The following CELF2 variants were observed in gnomAD, a reference collection of about 807,000 sequenced individuals.
The protein encoded by CELF2 is CUGBP Elav-like family member 2, also known as CUG triplet repeat RNA-binding protein 2.
A neutral mutation model predicts 62.6 loss-of-function variants in CELF2; 8 were observed. The ratio of observed to expected loss-of-function variants is 0.13; its 90% CI spans 0.07 to 0.23. CELF2 has a LOEUF of 0.23. CELF2 is among the 10% of genes least tolerant of loss of function. The pLI, the probability that CELF2 is intolerant of heterozygous loss-of-function variation, is 1.00. For synonymous variants in CELF2, 258 were observed against 250.0 expected (o/e 1.03, Z -0.30); for missense variants, 333 against 671.0 (o/e 0.50, Z 5.56).
intron 2 of CELF2, chr10:10,960,492 G>T (rs1337596594): frequency 6.6e-6 from 1 of 152,254 alleles, no homozygotes; most frequent in Admixed American, 6.5e-5. Flanking sequence ...GCATAGTGAA[G>T]ACTGAGGTTC....
chr10:10,654,745 A>T, the CELF2 span, among the ~76,000 whole-genome samples: 1 of 139,302 alleles, frequency 7.2e-6, no homozygotes, highest in African/African-American at 2.7e-5. Context: ...ATCTATGACA[A>T]ACCCACAGCC....
intron 1 of CELF2, among the ~76,000 whole-genome samples, chr10:11,149,884 T>C (rs896652466): frequency 6.6e-6 from 1 of 152,212 alleles, no homozygotes; most frequent in African/African-American, 2.4e-5. Flanking sequence ...CACTTGTCAG[T>C]TGATCTCCAA....
the CELF2 span, among the ~76,000 whole-genome samples, chr10:10,624,130 A>G: frequency 1.3e-5 from 2 of 152,242 alleles, no homozygotes; most frequent in African/African-American, 4.8e-5. Context: ...CACTAGGAAC[A>G]ATATTCCCAA....
At position 11,244,289 on chromosome 10, in the gene CELF2, A is replaced by G. The variant is rs1424865334; in HGVS notation, c.355-4864A>G. ...TGTTTCTTTTTACTTGAAATTGTCCAGCCTATGAACATATCCCTCACTGTT... is the reference window on the plus strand; with the variant it reads ...TGTTTCTTTTTACTTGAAATTGTCCGGCCTATGAACATATCCCTCACTGTT... On this transcript the variant is annotated intron_variant, in intron 3 of 12. Coordinates refer to ENST00000633077, the MANE Select transcript of CELF2 (RefSeq NM_001326342.2). This position sits in a 1 kb window ranked among gnomAD's most constrained non-coding sequence, Gnocchi z 4.2. Among the ~76,000 whole-genome samples, 3 of 152,238 alleles carry G rather than the reference A, an allele frequency of 2.0e-5. No homozygotes were observed. The South Asian group carries it at 6.2e-4, about 31-fold the overall frequency.
intron 1 of CELF2, among the ~76,000 whole-genome samples, chr10:10,848,679 T>C (rs542377252): frequency 3.9e-5 from 6 of 152,250 alleles, no homozygotes; most frequent in African/African-American, 7.2e-5. Flanking sequence ...TTGGCCATCG[T>C]GGGGCCCTGG....
Position 11,008,599 on chromosome 10 carries a change from A to T in CELF2, c.53+3159A>T, listed in dbSNP as rs1374909383. Among the ~76,000 whole-genome samples, 1 of 152,208 alleles carries T rather than the reference A, an allele frequency of 6.6e-6. No individual in the cohort carries two copies. The highest frequency in any genetic ancestry group is 1.9e-4 in the East Asian group (1 of 5,202). On this transcript the variant is annotated intron_variant, in intron 1 of 12. Transcript: ENST00000416382. The surrounding 1 kb of genome is among the most constrained non-coding windows in gnomAD (Gnocchi z 4.5). Reference sequence around the variant, plus strand: ...CTAATTATTGTAATCAGGGGGGTTAATTAGGTGAAAATGTGGCTGATAAAA... The same window carrying T: ...CTAATTATTGTAATCAGGGGGGTTATTTAGGTGAAAATGTGGCTGATAAAA...
chr10:11,037,782 G>A (rs72772097), intron 1 of CELF2, among the ~76,000 whole-genome samples: 1 of 152,300 alleles, frequency 6.6e-6, no homozygotes, highest in Non-Finnish European at 1.5e-5. Flanking sequence ...TCTCCACTTT[G>A]AAATGGATTT....
rs557220658 is a variant in CELF2, at chr10:10,967,611, G to C, written c.89+47612G>C. On this transcript the variant is annotated intron_variant, in intron 2 of 13. Transcript: ENST00000636488. ...CAGGAAGGTGGGCGCCAGCCTCCTA[G>C]TTTGCCGTGCAGCCTAAGAAACATA... Among the ~76,000 whole-genome samples, 154 of 152,338 alleles carry C rather than the reference G, an allele frequency of 1.0e-3. 1 individual carries two copies. The highest frequency in any genetic ancestry group is 3.5e-3 in the African/African-American group (146 of 41,574).
intron 8 of CELF2, among the ~76,000 whole-genome samples, chr10:11,277,906 A>G (rs2086740460): frequency 6.6e-6 from 1 of 152,200 alleles, no homozygotes; most frequent in Non-Finnish European, 1.5e-5. Flanking sequence ...ATTGACAGAT[A>G]TATATAAAAT....
chr10:11,186,842 A>G (rs1333124663), intron 2 of CELF2, among the ~76,000 whole-genome samples: 2 of 152,184 alleles, frequency 1.3e-5, no homozygotes, highest in Non-Finnish European at 2.9e-5. Context: ...CTCAACCTGT[A>G]TTTGAGAGGG....
Position 11,267,117 on chromosome 10 carries a change from A to G in CELF2, c.618+440A>G, listed in dbSNP as rs1402304268. Among the ~76,000 whole-genome samples the G allele has an allele frequency of 1.3e-5, 2 of 152,242 alleles. No homozygotes were observed. Among genetic ancestry groups the G allele is most frequent in the South Asian group, 2.1e-4 (1 of 4,834 alleles). On this transcript the variant is annotated intron_variant, in intron 6 of 12. Coordinates refer to ENST00000633077, the MANE Select transcript of CELF2 (RefSeq NM_001326342.2). The surrounding 1 kb of genome is among the most constrained non-coding windows in gnomAD (Gnocchi z 4.4). The stretch of plus-strand genomic sequence containing the variant: ...GGGTTCTTTCGTTTGTACAGGGTCA[A>G]GTTATCTTCCATCTAGTCAAACAGC...
At chr10:10,668,621 T>C in the CELF2 span, among the ~76,000 whole-genome samples, 1 of 152,214 alleles carries the variant, frequency 6.6e-6, no homozygotes. Context: ...TCTTGTTTTG[T>C]TATTCTTTGT....
intron 2 of CELF2, among the ~76,000 whole-genome samples, chr10:11,174,593 G>T (rs890223835): frequency 6.6e-6 from 1 of 152,182 alleles, no homozygotes; most frequent in Non-Finnish European, 1.5e-5. Context: ...TTAGGGAGAA[G>T]AATTAAAGGG....
chr10:10,830,349 A>G (rs2057749051), intron 1 of CELF2, among the ~76,000 whole-genome samples: 1 of 151,652 alleles, frequency 6.6e-6, no homozygotes, highest in Non-Finnish European at 1.5e-5. Flanking sequence ...CAGTATTTAT[A>G]GCAGACTGTT....
At chr10:11,044,353 A>G (rs2062423136) in intron 1 of CELF2, among the ~76,000 whole-genome samples, 1 of 152,226 alleles carries the variant, frequency 6.6e-6, no homozygotes, top group African/African-American at 2.4e-5. Context: ...GGAAGTCAGT[A>G]AATTACTGTT....
chr10:10,795,712 A>G (rs2131400233), upstream of CELF2, among the ~76,000 whole-genome samples: 1 of 152,044 alleles, frequency 6.6e-6, no homozygotes, highest in East Asian at 1.9e-4. Flanking sequence ...AATTTCCAGT[A>G]TATGTAAACA....
the CELF2 span, among the ~76,000 whole-genome samples, chr10:10,689,551 C>A: frequency 6.6e-6 from 1 of 152,310 alleles, no homozygotes; most frequent in East Asian, 1.9e-4. Flanking sequence ...GAATATACTT[C>A]ATAGCACTAT....
the CELF2 span, among the ~76,000 whole-genome samples, chr10:10,472,067 T>C: frequency 6.6e-6 from 1 of 152,032 alleles, no homozygotes; most frequent in East Asian, 1.9e-4. Context: ...ACAAGGTGCT[T>C]ACGAATAGTT....
chr10:10,853,742 A>T (rs11256872), intron 1 of CELF2, among the ~76,000 whole-genome samples: 1 of 152,034 alleles, frequency 6.6e-6, no homozygotes, highest in African/African-American at 2.4e-5. Context: ...TCTCCTCGGC[A>T]TGAGGCAGAT....
Sources: gnomAD v4.1 joint callset for allele counts (sites outside exome capture counted in the v4.1 genomes callset) on GRCh38, gnomAD v4.1.1 for gene constraint, Gnocchi (gnomAD v3.1) non-coding constraint, MANE v1.5 for transcripts, NCBI Gene and HGNC (gene_info 2026-07-23, HGNC 2026-07-21) for gene names.